The following AMPH variants were observed in gnomAD, a reference collection of about 807,000 sequenced individuals.
AMPH encodes amphiphysin, also known as amphiphysin (Stiff-Mann syndrome with breast cancer 128kD autoantigen).
AMPH carries 49 observed loss-of-function variants against 99.1 expected under a neutral mutation model. The observed-to-expected ratio is 0.49, with a 90% CI of 0.39 to 0.63. The LOEUF is 0.63. Among genes scored for constraint, AMPH ranks in the 20% least tolerant of loss-of-function variants. The pLI, the probability that AMPH is intolerant of heterozygous loss-of-function variation, is 0.00. For missense variants in AMPH, 759 were observed against 863.4 expected (o/e 0.88, Z 1.52); for synonymous variants, 314 against 317.3 (o/e 0.99, Z 0.11).
chr7:38,461,240 A>G (rs372449435), intron 11 of AMPH, 43 bp downstream of exon 11: 51 of 1,610,108 alleles, frequency 3.2e-5, no homozygotes, highest in East Asian at 2.0e-4. Context: ...TCCTTCCACC[A>G]TGGGACTTTC....
At chr7:38,556,217 C>T (rs1405156309) in intron 1 of AMPH, among the ~76,000 whole-genome samples, 1 of 152,082 alleles carries the variant, frequency 6.6e-6, no homozygotes, top group Non-Finnish European at 1.5e-5. Flanking sequence ...TTGAAAAGAA[C>T]ATCCCAACCT....
chr7:38,610,292 GA>G (rs1274439949), intron 1 of AMPH, among the ~76,000 whole-genome samples: 3 of 10,862 alleles, frequency 2.8e-4, no homozygotes, highest in Non-Finnish European at 3.6e-4. Flanking sequence ...AAGAAAGAAA[GA>G]AAGAAAAGAA....
intron 17 of AMPH, among the ~76,000 whole-genome samples, chr7:38,414,908 C>T (rs977199844): frequency 1.3e-5 from 2 of 152,180 alleles, no homozygotes; most frequent in African/African-American, 4.8e-5. Flanking sequence ...ATGTGATTTG[C>T]CTGCCTTGCC....
At chr7:38,470,392 T>C (rs1787837645) in intron 7 of AMPH, among the ~76,000 whole-genome samples, 1 of 152,116 alleles carries the variant, frequency 6.6e-6, no homozygotes, top group African/African-American at 2.4e-5. Context: ...GAAACCCCTC[T>C]GGACGTTTAC....
intron 19 of AMPH, 104 bp downstream of exon 19, chr7:38,391,644 A>G: frequency 8.3e-7 from 1 of 1,207,542 alleles, no homozygotes; most frequent in Non-Finnish European, 1.1e-6. Context: ...GTTCACAGAA[A>G]TAATAATTGC....
chr7:38,534,156 A>G (rs1434979961), intron 2 of AMPH, among the ~76,000 whole-genome samples: 1 of 152,094 alleles, frequency 6.6e-6, no homozygotes, highest in Non-Finnish European at 1.5e-5. Context: ...AGATATGTTT[A>G]TCTATGCTTT....
chr7:38,428,958 A>G, intron 14 of AMPH: 2 of 1,236,530 alleles, frequency 1.6e-6, no homozygotes, highest in Non-Finnish European at 2.1e-6. Flanking sequence ...TATGGTATTA[A>G]GAAGTTCTAC....
intron 11 of AMPH, among the ~76,000 whole-genome samples, chr7:38,443,017 T>C (rs1429098105): frequency 1.3e-5 from 2 of 152,016 alleles, no homozygotes; most frequent in Non-Finnish European, 2.9e-5. Flanking sequence ...AGATTACCAA[T>C]ATTAGGAATG....
At chr7:38,585,433 C>G (rs978318225) in intron 1 of AMPH, among the ~76,000 whole-genome samples, 7 of 152,126 alleles carry the variant, frequency 4.6e-5, no homozygotes, top group Admixed American at 1.3e-4. Context: ...AACTAGGGCA[C>G]TCACAGGGGC....
At chr7:38,551,038 G>T (rs1042963828) in intron 1 of AMPH, among the ~76,000 whole-genome samples, 1 of 152,084 alleles carries the variant, frequency 6.6e-6, no homozygotes, top group Non-Finnish European at 1.5e-5. Flanking sequence ...ACCATCAGTG[G>T]CTTGCTCAAA....
intron 20 of AMPH, among the ~76,000 whole-genome samples, chr7:38,389,099 T>G (rs1784421857): frequency 6.6e-6 from 1 of 152,218 alleles, no homozygotes; most frequent in South Asian, 2.1e-4. Context: ...TGAATTTATT[T>G]TTTAAGGGGA....
chr7:38,399,570 T>G (rs1467137090), intron 17 of AMPH, among the ~76,000 whole-genome samples: 1 of 152,250 alleles, frequency 6.6e-6, no homozygotes, highest in African/African-American at 2.4e-5. Flanking sequence ...GTTGTTGTCA[T>G]GCATTTCAAT....
chr7:38,454,534 A>T (rs1008832780), intron 11 of AMPH, among the ~76,000 whole-genome samples: 1 of 143,182 alleles, frequency 7.0e-6, no homozygotes, highest in Admixed American at 7.0e-5. Context: ...TGAGTCAATT[A>T]AAAAAAAAAA....
intron 11 of AMPH, among the ~76,000 whole-genome samples, chr7:38,454,431 G>C (rs1231325761): frequency 1.3e-5 from 2 of 151,926 alleles, no homozygotes; most frequent in Non-Finnish European, 2.9e-5. Flanking sequence ...AGAAGAAATA[G>C]TATCACCATG....
At chr7:38,421,374 C>T (rs1025574770) in intron 16 of AMPH, among the ~76,000 whole-genome samples, 2 of 152,176 alleles carry the variant, frequency 1.3e-5, no homozygotes, top group Admixed American at 1.3e-4. Context: ...GGAGAATCAC[C>T]AATGAACATG....
chr7:38,508,396 A>G (rs1584183938), intron 2 of AMPH, among the ~76,000 whole-genome samples: 1 of 152,242 alleles, frequency 6.6e-6, no homozygotes, highest in African/African-American at 2.4e-5. Context: ...TTGGCTTGTT[A>G]ATATATGGTC....
intron 5 of AMPH, among the ~76,000 whole-genome samples, chr7:38,485,119 C>A (rs944355968): frequency 6.6e-6 from 1 of 151,804 alleles, no homozygotes; most frequent in African/African-American, 2.4e-5. Context: ...ACAGTAAATC[C>A]TTTCCTACTA....
chr7:38,424,846 G>A (rs1584071999), intron 15 of AMPH, among the ~76,000 whole-genome samples: 2 of 152,046 alleles, frequency 1.3e-5, no homozygotes, highest in African/African-American at 4.8e-5. Flanking sequence ...AGATGAAAGA[G>A]GTAGGAGGAG....
rs190716404 is a variant in AMPH at position 38,616,712 on chromosome 7, G to C, written c.69+14571C>G. 8.7e-4 allele frequency among the ~76,000 whole-genome samples: 132 copies of C among 152,308 alleles called. 1 individual carries two copies. Among genetic ancestry groups the C allele is most frequent in the African/African-American group, 3.0e-3 (125 of 41,568 alleles). Reference sequence around the variant, plus strand: ...GCAATACGGATGAATCTCAATACATGATGAGGAGCAAAAGAAGTAAAATTC... The same window carrying C: ...GCAATACGGATGAATCTCAATACATCATGAGGAGCAAAAGAAGTAAAATTC... On this transcript the variant is annotated intron_variant, in intron 1 of 20. Coordinates refer to ENST00000356264, the MANE Select transcript of AMPH (RefSeq NM_001635.4).
Sources: allele counts gnomAD v4.1 joint callset (sites outside exome capture counted in the v4.1 genomes callset), GRCh38; gene constraint gnomAD v4.1.1; transcripts MANE v1.5; gene names NCBI Gene and HGNC (gene_info 2026-07-23, HGNC 2026-07-21).